The following ABCA13 variants were observed in gnomAD, a reference collection of about 807,000 sequenced individuals.
ABCA13 encodes ATP binding cassette subfamily A member 13, also known as ATP-binding cassette sub-family A member 13.
A neutral mutation model predicts 478.7 loss-of-function variants in ABCA13; 476 were observed. The ratio of observed to expected loss-of-function variants is 0.99; its 90% CI spans 0.92 to 1.07. The LOEUF is 1.07. Among genes scored for constraint, ABCA13 ranks in the 50% least tolerant of loss-of-function variants. ABCA13 has a pLI of 0.00. For synonymous variants in ABCA13, 2,252 were observed against 2,158.9 expected (o/e 1.04, Z -1.20); for missense variants, 6,060 against 5,910.6 (o/e 1.03, Z -0.83).
chr7:48,297,362 C>A, intron 22 of ABCA13, 51 bp downstream of exon 22: 1 of 1,452,392 alleles, frequency 6.9e-7, no homozygotes, highest in South Asian at 1.2e-5. Flanking sequence ...AATTTAGTTT[C>A]TCATGCAAAT....
chr7:48,203,182 G>C (rs12718301), intron 3 of ABCA13, among the ~76,000 whole-genome samples: 2 of 152,036 alleles, frequency 1.3e-5, no homozygotes, highest in Admixed American at 1.3e-4. Context: ...GCCTGGGGCC[G>C]GCAGGGCCGG....
rs535930406 is a variant in ABCA13, at chr7:48,309,628, C to T, written c.9322-319C>T. 3.3e-5 allele frequency among the ~76,000 whole-genome samples: 5 copies of T among 151,862 alleles called. No individual in the cohort carries two copies. The South Asian group carries it at 6.2e-4, about 19-fold the overall frequency. ...CAGATGCTAACTACGGGGGTGGCAT[C>T]GGAGGGTGGGGGCTTGGTGGGCATT... On this transcript the variant is annotated intron_variant, in intron 23 of 61. Coordinates refer to ENST00000435803, the MANE Select transcript of ABCA13 (RefSeq NM_152701.5).
In ABCA13 at chr7:48,296,552, C is replaced by T. The variant is rs946992268; in HGVS notation, c.9120-680C>T. On this transcript the variant is annotated intron_variant, in intron 21 of 61. Transcript: ENST00000435803. ...TCGGCTCACTGCAAGCTCCACCTCC[C>T]GGGTTCACGCCATTCTCCCTCCTCA... Among the ~76,000 whole-genome samples the T allele has an allele frequency of 3.0e-4, 46 of 151,806 alleles. 2 individuals are homozygous for T. Among genetic ancestry groups the T allele is most frequent in the African/African-American group, 1.0e-3 (42 of 41,314 alleles).
At chr7:48,287,924 T>C (rs753915769) in intron 19 of ABCA13, 36 bp from the exon 20 acceptor site, 1 of 1,533,772 alleles carries the variant, frequency 6.5e-7, no homozygotes. Flanking sequence ...GAGAGGACTG[T>C]CTATTAATTA....
chr7:48,562,558 T>C (rs932108135), intron 55 of ABCA13, among the ~76,000 whole-genome samples: 3 of 152,114 alleles, frequency 2.0e-5, no homozygotes, highest in Non-Finnish European at 4.4e-5. Context: ...AACCTAACTC[T>C]TGACCAGGGC....
chr7:48,438,426 G>A (rs1823133865), intron 42 of ABCA13, among the ~76,000 whole-genome samples: 3 of 152,018 alleles, frequency 2.0e-5, no homozygotes, highest in African/African-American at 7.2e-5. Flanking sequence ...CATAGGGACA[G>A]GGGAGTTTGG....
At chr7:48,187,420 C>G (rs1424716399) in intron 1 of ABCA13, among the ~76,000 whole-genome samples, 1 of 151,732 alleles carries the variant, frequency 6.6e-6, no homozygotes, top group Non-Finnish European at 1.5e-5. Flanking sequence ...ATGAAATCTT[C>G]TCTATTTCAG....
chr7:48,331,853 T>C (rs1052128889), intron 27 of ABCA13, among the ~76,000 whole-genome samples: 2 of 152,072 alleles, frequency 1.3e-5, no homozygotes, highest in Non-Finnish European at 2.9e-5. Context: ...CACAGCAGGG[T>C]CTCTTGCTTT....
intron 27 of ABCA13, among the ~76,000 whole-genome samples, chr7:48,323,501 C>T (rs1469664148): frequency 6.6e-6 from 1 of 152,178 alleles, no homozygotes; most frequent in Non-Finnish European, 1.5e-5. Context: ...TGGTGGGTGC[C>T]ATCAAGAAGA....
intron 27 of ABCA13, among the ~76,000 whole-genome samples, chr7:48,325,007 C>G (rs1804105870): frequency 6.6e-6 from 1 of 152,206 alleles, no homozygotes; most frequent in African/African-American, 2.4e-5. Context: ...CGTTACTTCC[C>G]CCTTCCCTTT....
At chr7:48,239,701 GA>G (rs1428466917) in intron 9 of ABCA13, among the ~76,000 whole-genome samples, 7 of 152,214 alleles carry the variant, frequency 4.6e-5, no homozygotes, top group African/African-American at 1.7e-4. Flanking sequence ...TGGTGCATGA[GA>G]TTGCCCTGGA....
intron 15 of ABCA13, among the ~76,000 whole-genome samples, chr7:48,255,450 T>C (rs1793238830): frequency 6.6e-6 from 1 of 152,026 alleles, no homozygotes; most frequent in South Asian, 2.1e-4. Context: ...TTTTCAACCC[T>C]TGCCCACCCC....
At chr7:48,426,362 A>G (rs1443995777) in intron 41 of ABCA13, among the ~76,000 whole-genome samples, 1 of 152,176 alleles carries the variant, frequency 6.6e-6, no homozygotes, top group South Asian at 2.1e-4. Context: ...TTGCTTGCTC[A>G]TGGCTTCTTC....
chr7:48,367,155 G>C (rs931028146), intron 31 of ABCA13, among the ~76,000 whole-genome samples: 23 of 152,120 alleles, frequency 1.5e-4, no homozygotes, highest in African/African-American at 5.3e-4. Context: ...GCAAAGCTGG[G>C]AGTTGTTCTG....
intron 55 of ABCA13, among the ~76,000 whole-genome samples, chr7:48,574,517 A>G (rs963034174): frequency 2.6e-5 from 4 of 152,166 alleles, no homozygotes; most frequent in Non-Finnish European, 5.9e-5. Flanking sequence ...CTCTTCAATT[A>G]TAGACCTGCA....
At chr7:48,476,075 A>G (rs1399163107) in intron 45 of ABCA13, among the ~76,000 whole-genome samples, 1 of 152,222 alleles carries the variant, frequency 6.6e-6, no homozygotes, top group Non-Finnish European at 1.5e-5. Flanking sequence ...TGGCTTAAGA[A>G]AACATGAGTT....
chr7:48,345,167 C>T (rs1807872821), intron 29 of ABCA13, among the ~76,000 whole-genome samples: 1 of 152,176 alleles, frequency 6.6e-6, no homozygotes, highest in African/African-American at 2.4e-5. Context: ...GTAAACAAAC[C>T]TACTGCACTG....
intron 23 of ABCA13, among the ~76,000 whole-genome samples, chr7:48,300,188 A>T (rs1021237209): frequency 6.6e-6 from 1 of 152,212 alleles, no homozygotes; most frequent in Non-Finnish European, 1.5e-5. Flanking sequence ...TCTCTACCAT[A>T]GCTTTAGTCA....
Position 48,272,719 on chromosome 7 carries a change from C to T in ABCA13, c.3053C>T (p.Ala1018Val), listed in dbSNP as rs1282428109. The T allele has an allele frequency of 1.2e-6, 2 of 1,611,120 alleles. No homozygotes were observed. Among genetic ancestry groups the T allele is most frequent in the Non-Finnish European group, 1.7e-6 (2 of 1,178,242 alleles). The change falls in exon 17 of 62, where the codon GCA becomes GTA. Residue 1018 changes from alanine (A) to valine (V), a missense_variant. By Grantham distance (64) the Ala-to-Val change is moderately conservative (BLOSUM62 0). Around this residue, in one of 3 missense-constraint regions of ABCA13, gnomAD observed 4,423 missense variants for 4,309.1 expected, o/e 1.03. Transcript: ENST00000435803. Reference protein sequence around the residue: ...SKAFAFLFKTAEVLGGISNVS... With the variant: ...SKAFAFLFKTVEVLGGISNVS... The stretch of plus-strand genomic sequence containing the variant: ...GCATTTGCATTTTTATTTAAGACAG[C>T]AGAGGTTCTTGGGGGAATTTCTAAT...
Sources: allele counts gnomAD v4.1 joint callset (sites outside exome capture counted in the v4.1 genomes callset), GRCh38; gene constraint gnomAD v4.1.1; regional missense constraint gnomAD v4.1.1; transcripts MANE v1.5; gene names NCBI Gene and HGNC (gene_info 2026-07-23, HGNC 2026-07-21).